Variants in RBM15 observed in about 807,000 individuals in gnomAD.
RBM15 encodes RNA binding motif protein 15, also known as RNA-binding protein 15.
In RBM15, 8 loss-of-function variants were observed where a neutral mutation model predicts 62.6. That is an observed-to-expected ratio of 0.13 (90% CI 0.07 to 0.23). RBM15 has a LOEUF of 0.23. RBM15 is among the 10% of genes least tolerant of loss of function. The pLI is 1.00. For missense variants in RBM15, 1,144 were observed against 1,286.5 expected, an observed-to-expected ratio of 0.89 and a Z score of 1.69; for synonymous variants, 606 against 505.7, an observed-to-expected ratio of 1.20 and a Z score of -2.66.
In RBM15 at chr1:110,341,540, G is replaced by C. The variant is rs1309272381; in HGVS notation, c.2135G>C (p.Ser712Thr). Residue 712 changes from serine to threonine, a missense_variant, in exon 1 of 3, where the codon AGC (serine) becomes ACC (threonine). Transcript: ENST00000369784. This position sits in a 1 kb window ranked among gnomAD's most constrained non-coding sequence, Gnocchi z 4.5. ...IRDRRGSLEK[S>T]QGDKRDRKNS... Reference sequence around the variant, plus strand: ...GACAGACGAGGTAGTTTGGAGAAGAGCCAGGGTGACAAGCGAGACCGTAAA... The same window carrying C: ...GACAGACGAGGTAGTTTGGAGAAGACCCAGGGTGACAAGCGAGACCGTAAA... The C allele has an allele frequency of 1.4e-5, 22 of 1,613,946 alleles. No homozygotes were observed. The highest frequency in any genetic ancestry group is 1.6e-5 in the Non-Finnish European group (19 of 1,180,030).
Position 110,340,713 on chromosome 1 carries a change from C to T in RBM15, c.1308C>T (p.Gly436=), listed in dbSNP as rs1348165654. 1.2e-6 allele frequency: 2 copies of T among 1,614,112 alleles called. No homozygotes were observed. The highest frequency in any genetic ancestry group is 1.7e-6 in the Non-Finnish European group (2 of 1,180,016). ...ACCGGGCCAAATTAGCAATGTCTGGCAAAATTATAATTCGGAATCCTATCA... is the reference window on the plus strand; with the variant it reads ...ACCGGGCCAAATTAGCAATGTCTGGTAAAATTATAATTCGGAATCCTATCA... ...MSHRAKLAMS[G]KIIIRNPIKI... is the part of the protein sequence containing the mutation. The change falls in exon 1 of 3, where the codon GGC becomes GGT. Residue 436 remains glycine (G), a synonymous_variant. Transcript: ENST00000369784. This position sits in a 1 kb window ranked among gnomAD's most constrained non-coding sequence, Gnocchi z 5.8.
intron 1 of RBM15, 30 bp downstream of exon 1, chr1:110,342,298 A>C (rs757295449): frequency 6.6e-7 from 1 of 1,507,362 alleles, no homozygotes; most frequent in African/African-American, 1.4e-5. Flanking sequence ...TGTAACTTGT[A>C]TTTACTACTT....
intron 2 of RBM15, among the ~76,000 whole-genome samples, chr1:110,346,021 T>C (rs1352805412): frequency 1.2e-4 from 18 of 152,174 alleles, no homozygotes; most frequent in Non-Finnish European, 5.9e-5. Flanking sequence ...TCAACATGTT[T>C]TACTCAGTTA....
chr1:110,344,070 G>A (rs1557892563), intron 1 of RBM15, among the ~76,000 whole-genome samples: 1 of 152,170 alleles, frequency 6.6e-6, no homozygotes, highest in Non-Finnish European at 1.5e-5. Flanking sequence ...CTATGAGCAT[G>A]AAGGTCCTTG....
In RBM15 at chr1:110,341,262, T is replaced by TG. The variant is rs1374824400; in HGVS notation, c.1859dup (p.Trp621LeufsTer9). ...TGGATAGCCTAGATCGCAGGCGGGATGGTTGGTCCTTGGACCGGGACAGAG... is the reference window on the plus strand; with the variant it reads ...TGGATAGCCTAGATCGCAGGCGGGATGGGTTGGTCCTTGGACCGGGACAGAG... On this transcript the variant is annotated frameshift_variant, in exon 1 of 3. Coordinates refer to ENST00000369784, the MANE Select transcript of RBM15 (RefSeq NM_022768.5). LOFTEE classifies it high-confidence loss of function. This position sits in a 1 kb window ranked among gnomAD's most constrained non-coding sequence, Gnocchi z 4.5. The TG allele has an allele frequency of 6.2e-7, 1 of 1,614,072 alleles. No individual in the cohort carries two copies. Among genetic ancestry groups the TG allele is most frequent in the Non-Finnish European group, 8.5e-7 (1 of 1,180,010 alleles).
chr1:110,345,400 G>T, intron 1 of RBM15, 139 bp from the exon 2 acceptor site: 1 of 700,068 alleles, frequency 1.4e-6, no homozygotes, highest in Non-Finnish European at 2.6e-6. Flanking sequence ...TATAGTTTGG[G>T]TCCATATAGG....
At chr1:110,345,875 A>G (rs558997177) in intron 2 of RBM15, among the ~76,000 whole-genome samples, 7 of 152,208 alleles carry the variant, frequency 4.6e-5, no homozygotes, top group Non-Finnish European at 8.8e-5. Context: ...ATGTTGCTCC[A>G]TATAAATTAC....
At position 110,339,635 on chromosome 1, in the gene RBM15, C is replaced by G; in HGVS notation, c.230C>G (p.Ser77Cys). The change falls in exon 1 of 3, where the codon TCT (serine) becomes TGT (cysteine). Residue 77 changes from serine (S) to cysteine (C), a missense_variant. Physicochemically the swap from Ser to Cys is moderately radical, Grantham distance 112 (BLOSUM62 -1). Transcript: ENST00000369784. ...GAGCGGAGCAAGAAGTTAGGGGGCTCTGGTGGCAGCAATGGGAGCAGCAGC... is the reference window on the plus strand; with the variant it reads ...GAGCGGAGCAAGAAGTTAGGGGGCTGTGGTGGCAGCAATGGGAGCAGCAGC... ...RGERSKKLGG[S>C]GGSNGSSSGK... 1 of 1,613,334 alleles carries G rather than the reference C, an allele frequency of 6.2e-7. No individual in the cohort carries two copies. Among genetic ancestry groups the G allele is most frequent in the South Asian group, 1.1e-5 (1 of 91,060 alleles).
At position 110,342,018 on chromosome 1, in the gene RBM15, C is replaced by T. The variant is rs961312675; in HGVS notation, c.2613C>T (p.Ser871=). ...TGCCTGGAAGTTCTGACAGCCGGTCCTCCTCTTCCTCAGCTGCATCAGACA... is the reference window on the plus strand; with the variant it reads ...TGCCTGGAAGTTCTGACAGCCGGTCTTCCTCTTCCTCAGCTGCATCAGACA... The part of the protein sequence containing the change: ...LAVPGSSDSR[S]SSSSAASDTA... The change falls in exon 1 of 3, where the codon TCC becomes TCT. Residue 871 remains serine (S), a synonymous_variant. Coordinates refer to ENST00000369784, the MANE Select transcript of RBM15 (RefSeq NM_022768.5). The T allele has an allele frequency of 6.2e-7, 1 of 1,614,220 alleles. No homozygotes were observed. The highest frequency in any genetic ancestry group is 8.5e-7 in the Non-Finnish European group (1 of 1,180,028).
chr1:110,342,407 T>C, intron 1 of RBM15, 139 bp downstream of exon 1: 1 of 614,246 alleles, frequency 1.6e-6, no homozygotes. Context: ...TATATTTTTA[T>C]AAACGTCTTT....
chr1:110,341,898 C>A lies in RBM15; in HGVS notation c.2493C>A (p.Ile831=). The A allele has an allele frequency of 1.9e-6, 3 of 1,614,220 alleles. No homozygotes were observed. Among genetic ancestry groups the A allele is most frequent in the Non-Finnish European group, 2.5e-6 (3 of 1,180,044 alleles). The change falls in exon 1 of 3, where the codon ATC becomes ATA. Residue 831 remains isoleucine (I), a synonymous_variant. Transcript: ENST00000369784. This position sits in a 1 kb window ranked among gnomAD's most constrained non-coding sequence, Gnocchi z 4.5. ...GAGGCAAAGTGGCCCAGCTCAAGAT[C>A]ACTCAGCGTCTCCGTTTGGACCAGC... ...STGGKVAQLK[I]TQRLRLDQPK...
chr1:110,346,524 CTT>C lies in RBM15; in HGVS notation c.*259_*260del. 1 of 676,982 alleles carries C rather than the reference CTT, an allele frequency of 1.5e-6. No individual in the cohort carries two copies. The highest frequency in any genetic ancestry group is 2.6e-6 in the Non-Finnish European group (1 of 390,336). 41.9% of individuals were successfully genotyped at this position (676,982 alleles called of 1,614,324 possible). On this transcript the variant is annotated 3_prime_UTR_variant, in exon 3 of 3. Coordinates refer to ENST00000369784, the MANE Select transcript of RBM15 (RefSeq NM_022768.5). ...GTTTTAAGTGGAAAAAAAATGACCT[CTT>C]TGATTTGTGCTGTGTACACAAGATT...
At position 110,341,248 on chromosome 1, in the gene RBM15, G is replaced by C. The variant is rs774536805; in HGVS notation, c.1843G>C (p.Asp615His). 6.2e-7 allele frequency: 1 copy of C among 1,614,176 alleles called. No homozygotes were observed. The highest frequency in any genetic ancestry group is 8.5e-7 in the Non-Finnish European group (1 of 1,180,028). Residue 615 changes from aspartate (D) to histidine (H), a missense_variant, in exon 1 of 3, where the codon GAT becomes CAT. By Grantham distance (81) the Asp-to-His change is moderately conservative (BLOSUM62 -1). Transcript: ENST00000369784. This position sits in a 1 kb window ranked among gnomAD's most constrained non-coding sequence, Gnocchi z 4.5. ...TGCTTACGAGCCACTGGATAGCCTA[G>C]ATCGCAGGCGGGATGGTTGGTCCTT... ...VPAYEPLDSLDRRRDGWSLDR... is the reference protein window; with the variant it reads ...VPAYEPLDSLHRRRDGWSLDR...
At position 110,339,647 on chromosome 1, in the gene RBM15, A is replaced by G. The variant is rs777244685; in HGVS notation, c.242A>G (p.Asn81Ser). ...SKKLGGSGGS[N>S]GSSSGKTDSG... ...AAGTTAGGGGGCTCTGGTGGCAGCA[A>G]TGGGAGCAGCAGCGGAAAGACCGAT... Residue 81 changes from asparagine (N) to serine (S), a missense_variant, in exon 1 of 3, where the codon AAT (asparagine) becomes AGT (serine). Coordinates refer to ENST00000369784, the MANE Select transcript of RBM15 (RefSeq NM_022768.5). 9.9e-6 allele frequency: 16 copies of G among 1,613,166 alleles called. No individual in the cohort carries two copies. Among genetic ancestry groups the G allele is most frequent in the Non-Finnish European group, 1.4e-5 (16 of 1,179,926 alleles).
intron 1 of RBM15, among the ~76,000 whole-genome samples, chr1:110,343,539 G>GA (rs36087058): frequency 0.55 from 83,120 of 150,378 alleles, 22,964 homozygotes; most frequent in Admixed American, 0.59. Context: ...TCAAAGGTGA[G>GA]ATGATATCAA....
Position 110,340,369 on chromosome 1 carries a change from C to G in RBM15, c.964C>G (p.Pro322Ala). The change falls in exon 1 of 3, where the codon CCA (proline) becomes GCA (alanine). Residue 322 changes from proline (P) to alanine (A), a missense_variant. Around this residue, in one of 8 missense-constraint regions of RBM15, gnomAD observed 188 missense variants for 185.6 expected, o/e 1.01. Transcript: ENST00000369784. The surrounding 1 kb of genome is among the most constrained non-coding windows in gnomAD (Gnocchi z 5.8). ...LGRLPPPPPP[P>A]LPRDLERERD... ...CCGCCTGCCCCCTCCACCTCCGCCACCATTGCCTCGAGACCTGGAGAGAGA... is the reference window on the plus strand; with the variant it reads ...CCGCCTGCCCCCTCCACCTCCGCCAGCATTGCCTCGAGACCTGGAGAGAGA... The G allele has an allele frequency of 6.2e-7, 1 of 1,614,204 alleles. No individual in the cohort carries two copies. Among genetic ancestry groups the G allele is most frequent in the Non-Finnish European group, 8.5e-7 (1 of 1,180,032 alleles).
At position 110,339,758 on chromosome 1, in the gene RBM15, G is replaced by C; in HGVS notation, c.353G>C (p.Ser118Thr). Residue 118 changes from serine (S) to threonine (T), a missense_variant, in exon 1 of 3, where the codon AGC (serine) becomes ACC (threonine). Physicochemically the swap from Ser to Thr is moderately conservative, Grantham distance 58. This residue lies in a region of RBM15 where 298 missense variants were observed against 250.0 expected (regional missense o/e 1.19). Coordinates refer to ENST00000369784, the MANE Select transcript of RBM15 (RefSeq NM_022768.5). ...CGCGAGTATGATACCGGTGGGGGCA[G>C]CTCCAGTAGCCGCTTGCATAGTTAT... ...GSREYDTGGG[S>T]SSSRLHSYSS... 6.2e-7 allele frequency: 1 copy of C among 1,610,904 alleles called. No individual in the cohort carries two copies. The highest frequency in any genetic ancestry group is 8.5e-7 in the Non-Finnish European group (1 of 1,178,360).
chr1:110,339,513 A>C lies in RBM15; in HGVS notation c.108A>C (p.Gly36=), dbSNP rs575614124. 2 of 1,598,688 alleles carry C rather than the reference A, an allele frequency of 1.3e-6. No homozygotes were observed. The highest frequency in any genetic ancestry group is 1.7e-5 in the Admixed American group (1 of 59,232). Residue 36 remains glycine, a synonymous_variant, in exon 1 of 3, where the codon GGA becomes GGC. Coordinates refer to ENST00000369784, the MANE Select transcript of RBM15 (RefSeq NM_022768.5). ...SAGRRVTQLR[G]DDLRRPATMK... ...GGCGGCGGGTTACTCAGCTCCGCGG[A>C]GACGACCTCCGACGACCCGCAACAA...
chr1:110,341,303 CCAG>C lies in RBM15; in HGVS notation c.1905_1907del (p.Ser635del). The C allele has an allele frequency of 6.2e-7, 1 of 1,614,044 alleles. No individual in the cohort carries two copies. Among genetic ancestry groups the C allele is most frequent in the Admixed American group, 1.7e-5 (1 of 60,016 alleles). On this transcript the variant is annotated inframe_deletion, in exon 1 of 3. Coordinates refer to ENST00000369784, the MANE Select transcript of RBM15 (RefSeq NM_022768.5). This position sits in a 1 kb window ranked among gnomAD's most constrained non-coding sequence, Gnocchi z 4.5. ...CGGGACAGAGGTGATCGAGATCTGC[CCAG>C]CAGCAGAGACCAGCCTAGGAAGCGA...
Sources: gnomAD v4.1 joint callset for allele counts (sites outside exome capture counted in the v4.1 genomes callset) on GRCh38, gnomAD v4.1.1 for gene constraint, gnomAD v4.1.1 regional missense constraint, Gnocchi (gnomAD v3.1) non-coding constraint, MANE v1.5 for transcripts, NCBI Gene and HGNC (gene_info 2026-07-23, HGNC 2026-07-21) for gene names.